SGSM3: variants seen among roughly 807,000 people sequenced by gnomAD.
SGSM3 encodes the protein RUN and SH3 containing 3.
A neutral mutation model predicts 100.5 loss-of-function variants in SGSM3; 96 were observed. The observed-to-expected ratio is 0.96, with a 90% CI of 0.81 to 1.13. The LOEUF (loss-of-function observed/expected upper bound fraction) is 1.13. Ranked by LOEUF, SGSM3 falls within the 50% of genes most tolerant of loss-of-function variation. The pLI, the probability that SGSM3 is intolerant of heterozygous loss-of-function variation, is 0.00. For missense variants in SGSM3, 1,001 were observed against 1,015.8 expected, an observed-to-expected ratio of 0.99 and a Z score of 0.20; for synonymous variants, 483 against 422.8, an observed-to-expected ratio of 1.14 and a Z score of -1.75.
At chr22:40,394,146 T>G (rs1351582623) in intron 1 of SGSM3, among the ~76,000 whole-genome samples, 1 of 152,258 alleles carries the variant, frequency 6.6e-6, no homozygotes, top group Non-Finnish European at 1.5e-5. Flanking sequence ...GCTATGCTGA[T>G]GTTTCCAACG....
At position 40,389,858 on chromosome 22, in the gene SGSM3, C is replaced by T. The variant is rs187658965; in HGVS notation, c.-111-10838C>T. ...GGCGGAAGTTGCAGTGAGCCAGGATCGCGCCATTGCACTCCAGCCTGGGCA... is the reference window on the plus strand; with the variant it reads ...GGCGGAAGTTGCAGTGAGCCAGGATTGCGCCATTGCACTCCAGCCTGGGCA... On this transcript the variant is annotated intron_variant, in intron 1 of 21. Coordinates refer to ENST00000248929, the MANE Select transcript of SGSM3 (RefSeq NM_015705.6). Among the ~76,000 whole-genome samples, 796 of 145,270 alleles carry T rather than the reference C, an allele frequency of 5.5e-3. 4 individuals are homozygous for T. Among genetic ancestry groups the T allele is most frequent in the Non-Finnish European group, 8.3e-3 (553 of 66,544 alleles).
chr22:40,406,278 G>T (rs1471348371), intron 9 of SGSM3, 55 bp downstream of exon 9: 2 of 1,603,642 alleles, frequency 1.2e-6, no homozygotes, highest in East Asian at 4.5e-5. Flanking sequence ...TGGGGGGCAG[G>T]GGAGCAAGAG....
chr22:40,382,830 G>A (rs2047789780), intron 1 of SGSM3, among the ~76,000 whole-genome samples: 1 of 152,190 alleles, frequency 6.6e-6, no homozygotes, highest in Non-Finnish European at 1.5e-5. Context: ...TATTCTGCAG[G>A]TACCTATTAT....
chr22:40,404,341 C>T lies in SGSM3; in HGVS notation c.252C>T (p.Thr84=). ...GGTGGCAGGCCCACCTGGAGTTCAC[C>T]CATAACCACGATGTGGGGGATCTCA... The part of the protein sequence containing the change: ...RLRWQAHLEF[T]HNHDVGDLTW... The change falls in exon 5 of 22, where the codon ACC becomes ACT. Residue 84 remains threonine (T), a synonymous_variant. Coordinates refer to ENST00000248929, the MANE Select transcript of SGSM3 (RefSeq NM_015705.6). 6.3e-7 allele frequency: 1 copy of T among 1,599,828 alleles called. No homozygotes were observed. The highest frequency in any genetic ancestry group is 8.5e-7 in the Non-Finnish European group (1 of 1,172,160).
intron 5 of SGSM3, 25 bp from the exon 6 acceptor site, chr22:40,404,532 T>G: frequency 6.2e-7 from 1 of 1,611,198 alleles, no homozygotes; most frequent in Non-Finnish European, 8.5e-7. Context: ...AAAGACTGAG[T>G]GCCCTTGCGG....
intron 1 of SGSM3, among the ~76,000 whole-genome samples, chr22:40,397,461 T>C (rs915289143): frequency 2.6e-5 from 4 of 152,064 alleles, no homozygotes; most frequent in African/African-American, 9.7e-5. Context: ...GTTCCCACCA[T>C]AGGAAAGTCA....
Position 40,404,636 on chromosome 22 carries a change from C to G in SGSM3, c.446C>G (p.Ser149Cys), listed in dbSNP as rs752732158. 3.7e-6 allele frequency: 6 copies of G among 1,612,990 alleles called. No individual in the cohort carries two copies. The South Asian group carries it at 4.4e-5, about 12-fold the overall frequency. The change falls in exon 6 of 22, where the codon TCC becomes TGC. Residue 149 changes from serine (S) to cysteine (C), a missense_variant. Transcript: ENST00000248929. ...LSYREIVKNS[S>C]NDETIAAKQI... ...TACCGCGAGATTGTGAAGAACAGCT[C>G]CAACGATGAGACCATCGCTGCCAAG...
intron 1 of SGSM3, among the ~76,000 whole-genome samples, chr22:40,381,490 G>A (rs1383806708): frequency 1.3e-5 from 2 of 151,960 alleles, no homozygotes; most frequent in Non-Finnish European, 2.9e-5. Flanking sequence ...TTTAGGAACT[G>A]GAAATACAAA....
Position 40,407,183 on chromosome 22 carries a change from G to T in SGSM3, c.1241-18G>T, listed in dbSNP as rs774418217. The T allele has an allele frequency of 6.2e-7, 1 of 1,613,506 alleles. No homozygotes were observed. On this transcript the variant is annotated intron_variant, in intron 11 of 21. Coordinates refer to ENST00000248929, the MANE Select transcript of SGSM3 (RefSeq NM_015705.6). This position sits in a 1 kb window ranked among gnomAD's most constrained non-coding sequence, Gnocchi z 4.7. ...CCTGGAGTGGGCTGTGGTCACCATG[G>T]TTCTCTGGGCCTCCTAGGGGAGGAT...
intron 3 of SGSM3, 62 bp downstream of exon 3, chr22:40,401,737 A>G: frequency 7.0e-7 from 1 of 1,425,366 alleles, no homozygotes; most frequent in Admixed American, 1.7e-5. Flanking sequence ...AAGGGGACCC[A>G]GCTCTGCAGG....
intron 1 of SGSM3, among the ~76,000 whole-genome samples, chr22:40,392,392 TAGTTACAAATG>T (rs2049474481): frequency 6.6e-6 from 1 of 152,146 alleles, no homozygotes; most frequent in South Asian, 2.1e-4. Flanking sequence ...AGGAAATTGT[TAGTTACAAATG>T]AGAGAGAAGG....
chr22:40,407,180 A>G lies in SGSM3; in HGVS notation c.1241-21A>G. On this transcript the variant is annotated intron_variant, in intron 11 of 21. Coordinates refer to ENST00000248929, the MANE Select transcript of SGSM3 (RefSeq NM_015705.6). The surrounding 1 kb of genome is among the most constrained non-coding windows in gnomAD (Gnocchi z 4.7). ...GGGCCTGGAGTGGGCTGTGGTCACC[A>G]TGGTTCTCTGGGCCTCCTAGGGGAG... The G allele has an allele frequency of 6.2e-7, 1 of 1,613,482 alleles. No homozygotes were observed. Among genetic ancestry groups the G allele is most frequent in the Non-Finnish European group, 8.5e-7 (1 of 1,179,886 alleles).
chr22:40,403,874 G>T (rs1356442864), intron 4 of SGSM3, among the ~76,000 whole-genome samples: 1 of 152,172 alleles, frequency 6.6e-6, no homozygotes, highest in Non-Finnish European at 1.5e-5. Flanking sequence ...ATGGTCAGGG[G>T]TGGTGAGACG....
At chr22:40,388,039 A>C (rs1417402329) in intron 1 of SGSM3, 1 of 152,214 alleles carries the variant, frequency 6.6e-6, no homozygotes, top group Non-Finnish European at 1.5e-5. Context: ...GGAACACTCT[A>C]TCTCTGTCAC....
At chr22:40,404,133 G>A (rs2051122200) in intron 4 of SGSM3, 114 bp from the exon 5 acceptor site, 3 of 814,394 alleles carry the variant, frequency 3.7e-6, no homozygotes, top group East Asian at 2.7e-5. Flanking sequence ...TATGGTGGGA[G>A]AGAGCTGGCC....
chr22:40,407,556 C>T lies in SGSM3; in HGVS notation c.1512C>T (p.Asn504=), dbSNP rs138590594. The T allele has an allele frequency of 4.0e-4, 636 of 1,603,886 alleles. 2 individuals are homozygous for T. Among genetic ancestry groups the T allele is most frequent in the South Asian group, 6.3e-4 (57 of 91,052 alleles). ...ACGACGAGCTGGGCTTCCGCAAGAA[C>T]GACATCATCACAGTGCGTGGGGGCG... ...HDDDELGFRK[N]DIITIVSQKD... is the part of the protein sequence containing the mutation. Residue 504 remains asparagine, a synonymous_variant, in exon 13 of 22, where the codon AAC becomes AAT. Coordinates refer to ENST00000248929, the MANE Select transcript of SGSM3 (RefSeq NM_015705.6). This position sits in a 1 kb window ranked among gnomAD's most constrained non-coding sequence, Gnocchi z 4.7.
chr22:40,385,154 G>A (rs1330110586), intron 1 of SGSM3, among the ~76,000 whole-genome samples: 2 of 152,216 alleles, frequency 1.3e-5, no homozygotes, highest in Non-Finnish European at 2.9e-5. Flanking sequence ...AGGAAATGAA[G>A]CCATAGGAAC....
chr22:40,405,363 G>T (rs547472323), intron 7 of SGSM3, 79 bp downstream of exon 7: 3 of 1,331,176 alleles, frequency 2.3e-6, no homozygotes, highest in Non-Finnish European at 3.0e-6. Flanking sequence ...CTCCCGCTAC[G>T]GGGCAGTAGC....
rs1200806637 is a variant in SGSM3, at chr22:40,407,246, C to T, written c.1286C>T (p.Thr429Met). The change falls in exon 12 of 22, where the codon ACG becomes ATG. Residue 429 changes from threonine to methionine, a missense_variant. Physicochemically the swap from Thr to Met is moderately conservative, Grantham distance 81. Coordinates refer to ENST00000248929, the MANE Select transcript of SGSM3 (RefSeq NM_015705.6). This position sits in a 1 kb window ranked among gnomAD's most constrained non-coding sequence, Gnocchi z 4.7. ...CTCAAGGCCAAGAACATCAAGCAGA[C>T]GGAACTGGTGGCTGACCTCCGGGAA... ...EALKAKNIKQ[T>M]ELVADLREAI... 4 of 1,613,662 alleles carry T rather than the reference C, an allele frequency of 2.5e-6. No homozygotes were observed. The highest frequency in any genetic ancestry group is 1.7e-5 in the Admixed American group (1 of 60,032).
Sources: allele counts gnomAD v4.1 joint callset (sites outside exome capture counted in the v4.1 genomes callset), GRCh38; gene constraint gnomAD v4.1.1; non-coding constraint Gnocchi (gnomAD v3.1); transcripts MANE v1.5; gene names NCBI Gene and HGNC (gene_info 2026-07-23, HGNC 2026-07-21).